KIF16B: variants seen among roughly 807,000 people sequenced by gnomAD.
The protein encoded by KIF16B is kinesin-like protein KIF16B.
A neutral mutation model predicts 156.3 loss-of-function variants in KIF16B; 98 were observed. The ratio of observed to expected loss-of-function variants is 0.63; its 90% CI spans 0.53 to 0.74. The LOEUF (loss-of-function observed/expected upper bound fraction) is 0.74, where lower values mean the gene tolerates loss of function less well. Among genes scored for constraint, KIF16B ranks in the 30% least tolerant of loss-of-function variants. KIF16B has a pLI of 0.00. For synonymous variants in KIF16B, 564 were observed against 583.7 expected (o/e 0.97, Z 0.49); for missense variants, 1,421 against 1,606.5 (o/e 0.88, Z 1.97).
intron 12 of KIF16B, among the ~76,000 whole-genome samples, chr20:16,452,709 C>G (rs1376978947): frequency 6.6e-6 from 1 of 151,990 alleles, no homozygotes; most frequent in Non-Finnish European, 1.5e-5. Flanking sequence ...GTGGTGGGTG[C>G]CTGTAGTCCC....
intron 5 of KIF16B, 100 bp from the exon 6 acceptor site, chr20:16,511,627 A>C: frequency 1.5e-6 from 1 of 675,402 alleles, no homozygotes; most frequent in East Asian, 2.7e-5. Flanking sequence ...AAATGGCCAC[A>C]GCAGCAGTTA....
intron 2 of KIF16B, 151 bp downstream of exon 2, chr20:16,528,220 G>C (rs1425446843): frequency 1.6e-6 from 1 of 617,300 alleles, no homozygotes; most frequent in Non-Finnish European, 2.9e-6. Flanking sequence ...CTTCAAGACT[G>C]AGCCCAAGCC....
chr20:16,327,068 TACACAC>T lies in KIF16B; in HGVS notation c.3711+8852_3711+8857del, dbSNP rs35869892. On this transcript the variant is annotated intron_variant, in intron 24 of 25. Transcript: ENST00000354981. ...ATATATGTATGTATATGTATACATGTACACACACACACACACACACACACACACACA... is the reference window on the plus strand; with the variant it reads ...ATATATGTATGTATATGTATACATGTACACACACACACACACACACACACA... 2.1e-3 allele frequency among the ~76,000 whole-genome samples: 306 copies of T among 143,044 alleles called. 1 individual carries two copies. The highest frequency in any genetic ancestry group is 5.5e-3 in the African/African-American group (212 of 38,546). The allele number at this position is 143,044 out of a possible 152,430, so 93.8% of individuals were successfully genotyped here.
chr20:16,507,657 T>C (rs2068826711), intron 7 of KIF16B, among the ~76,000 whole-genome samples: 1 of 152,184 alleles, frequency 6.6e-6, no homozygotes, highest in African/African-American at 2.4e-5. Flanking sequence ...CCACAGAGTT[T>C]GCAACAATGA....
intron 5 of KIF16B, among the ~76,000 whole-genome samples, chr20:16,512,411 C>T (rs535805778): frequency 7.2e-5 from 11 of 152,240 alleles, no homozygotes; most frequent in Admixed American, 5.2e-4. Flanking sequence ...GGTTTAATTT[C>T]AAGGAGGAAA....
At chr20:16,539,889 A>G (rs998722174) in intron 1 of KIF16B, among the ~76,000 whole-genome samples, 1 of 152,286 alleles carries the variant, frequency 6.6e-6, no homozygotes, top group Admixed American at 6.5e-5. Context: ...TGATGTTGGG[A>G]TCTCCAAACT....
intron 17 of KIF16B, among the ~76,000 whole-genome samples, chr20:16,383,347 T>G (rs1430290106): frequency 1.3e-5 from 2 of 152,202 alleles, no homozygotes; most frequent in Admixed American, 6.5e-5. Flanking sequence ...GGATGTGAAC[T>G]CATGGCAGTC....
rs535914523 is a variant in KIF16B at position 16,282,901 on chromosome 20, T to C, written c.3796-9490A>G. ...ACACAATCGTTGGTCAAATGATGCTTATGATGCCAGAGGACTTTCACGAGT... is the reference window on the plus strand; with the variant it reads ...ACACAATCGTTGGTCAAATGATGCTCATGATGCCAGAGGACTTTCACGAGT... On this transcript the variant is annotated intron_variant, in intron 25 of 25. Coordinates refer to ENST00000354981, the MANE Select transcript of KIF16B (RefSeq NM_024704.5). Among the ~76,000 whole-genome samples the C allele has an allele frequency of 5.9e-5, 9 of 152,302 alleles. No homozygotes were observed. The East Asian group carries it at 1.2e-3, about 20-fold the overall frequency.
intron 24 of KIF16B, among the ~76,000 whole-genome samples, chr20:16,325,056 G>T (rs182093729): frequency 3.3e-5 from 5 of 152,170 alleles, no homozygotes; most frequent in African/African-American, 1.2e-4. Context: ...AAAATCCCAT[G>T]ATCATCTCAA....
chr20:16,533,931 C>T (rs2069851601), intron 1 of KIF16B, among the ~76,000 whole-genome samples: 1 of 152,008 alleles, frequency 6.6e-6, no homozygotes, highest in Admixed American at 6.6e-5. Flanking sequence ...TTTAAGCATA[C>T]AAACTGAAAC....
At chr20:16,477,208 TAAAA>T (rs71192337) in intron 12 of KIF16B, among the ~76,000 whole-genome samples, 2 of 136,518 alleles carry the variant, frequency 1.5e-5, no homozygotes, top group Middle Eastern at 3.5e-3. Flanking sequence ...TTTCTCTCCT[TAAAA>T]AAAAAAAAAG....
intron 1 of KIF16B, among the ~76,000 whole-genome samples, chr20:16,534,245 G>A (rs1243329430): frequency 6.8e-6 from 1 of 147,686 alleles, no homozygotes; most frequent in Non-Finnish European, 1.5e-5. Flanking sequence ...AAAGAGCAAA[G>A]CTCTGTCTCA....
intron 1 of KIF16B, among the ~76,000 whole-genome samples, chr20:16,557,123 T>C (rs1197015879): frequency 6.8e-6 from 1 of 147,680 alleles, no homozygotes. Context: ...TTAATATTAA[T>C]CATTAATACT....
chr20:16,494,692 A>C (rs1037681818), intron 11 of KIF16B, among the ~76,000 whole-genome samples: 2 of 152,190 alleles, frequency 1.3e-5, no homozygotes, highest in Non-Finnish European at 2.9e-5. Context: ...TTAATTTTTC[A>C]TTATTATACA....
intron 17 of KIF16B, among the ~76,000 whole-genome samples, chr20:16,387,730 T>A (rs2065262919): frequency 6.6e-6 from 1 of 152,044 alleles, no homozygotes; most frequent in Non-Finnish European, 1.5e-5. Flanking sequence ...CAGGCAGCGG[T>A]CCCAAGTGAG....
At chr20:16,562,170 A>G (rs1306009616) in intron 1 of KIF16B, among the ~76,000 whole-genome samples, 3 of 152,240 alleles carry the variant, frequency 2.0e-5, no homozygotes, top group Non-Finnish European at 4.4e-5. Context: ...TTTTTAAAAT[A>G]TCTTTTCTGA....
At chr20:16,458,770 ACACACACACATACACG>A in intron 12 of KIF16B, among the ~76,000 whole-genome samples, 1 of 152,224 alleles carries the variant, frequency 6.6e-6, no homozygotes, top group South Asian at 2.1e-4. Context: ...ATAAACACAC[ACACACACACATACACG>A]CACACACACC....
In KIF16B at chr20:16,354,106, C is replaced by T. The variant is rs16997538; in HGVS notation, c.3621+2224G>A. On this transcript the variant is annotated intron_variant, in intron 23 of 25. Transcript: ENST00000354981. ...ATTTGGTTTCTCTAACTTGCATGGG[C>T]AGTAGCATCTTCACAATTTTGGCCA... Among the ~76,000 whole-genome samples the T allele has an allele frequency of 1.6e-3, 250 of 152,318 alleles. 3 individuals carry two copies. The East Asian group carries it at 0.032, about 20-fold the overall frequency.
intron 22 of KIF16B, among the ~76,000 whole-genome samples, chr20:16,356,826 C>CT (rs2064452732): frequency 6.6e-6 from 1 of 152,154 alleles, no homozygotes; most frequent in Admixed American, 6.5e-5. Flanking sequence ...ATCTGACAAA[C>CT]TTTTTTCTTC....
Sources: allele counts gnomAD v4.1 joint callset (sites outside exome capture counted in the v4.1 genomes callset), GRCh38; gene constraint gnomAD v4.1.1; transcripts MANE v1.5; gene names NCBI Gene and HGNC (gene_info 2026-07-23, HGNC 2026-07-21).